Variants in CENPL observed in about 807,000 individuals in gnomAD.
CENPL encodes the protein centromere protein L.
A neutral mutation model predicts 35.2 loss-of-function variants in CENPL; 20 were observed. The observed-to-expected ratio is 0.57, with a 90% confidence interval of 0.40 to 0.83. CENPL has a LOEUF of 0.83. Ranked by LOEUF, CENPL falls within the 40% of genes least tolerant of loss-of-function variation. The pLI is 0.00. For missense variants in CENPL, 363 were observed against 395.8 expected (o/e 0.92, Z 0.70); for synonymous variants, 140 against 140.6 (o/e 1.00, Z 0.03).
At chr1:173,808,930 A>G (rs1650527543) in intron 3 of CENPL, among the ~76,000 whole-genome samples, 1 of 152,222 alleles carries the variant, frequency 6.6e-6, no homozygotes, top group East Asian at 1.9e-4. Flanking sequence ...AGCAAAAGAA[A>G]CTATCAACAG....
At chr1:173,820,355 T>A (rs1651828256) in intron 2 of CENPL, among the ~76,000 whole-genome samples, 1 of 151,018 alleles carries the variant, frequency 6.6e-6, no homozygotes, top group South Asian at 2.1e-4. Context: ...CAAGACCCCA[T>A]CTTTCAAAAA....
At chr1:173,818,721 T>G (rs1326521717) in intron 2 of CENPL, among the ~76,000 whole-genome samples, 1 of 152,202 alleles carries the variant, frequency 6.6e-6, no homozygotes, top group African/African-American at 2.4e-5. Context: ...ACACATAGCT[T>G]TCCTCAATCA....
intron 4 of CENPL, chr1:173,806,603 A>AAATAT (rs1650255953): frequency 3.5e-6 from 1 of 287,034 alleles, no homozygotes; most frequent in Non-Finnish European, 7.0e-6. Flanking sequence ...AAATAAAATA[A>AAATAT]AATAAACGCA....
intron 2 of CENPL, among the ~76,000 whole-genome samples, chr1:173,815,221 G>A (rs962775989): frequency 2.0e-5 from 3 of 152,266 alleles, no homozygotes; most frequent in Middle Eastern, 3.4e-3. Flanking sequence ...AAAAGGCTAC[G>A]ACCAGATGGA....
At chr1:173,810,872 G>A (rs147901968) in intron 3 of CENPL, among the ~76,000 whole-genome samples, 9,311 of 152,122 alleles carry the variant, frequency 0.061, 1,001 homozygotes, top group African/African-American at 0.21. Flanking sequence ...AGCCAAGATC[G>A]CGCCACTGCA....
At chr1:173,823,627 T>C (rs1027552761) in intron 2 of CENPL, 6 of 152,220 alleles carry the variant, frequency 3.9e-5, no homozygotes, top group African/African-American at 1.4e-4. Context: ...CCTCAGAAGT[T>C]TTCCTGAGCT....
intron 2 of CENPL, among the ~76,000 whole-genome samples, chr1:173,814,551 A>G (rs180756855): frequency 6.6e-6 from 1 of 152,306 alleles, no homozygotes; most frequent in East Asian, 1.9e-4. Context: ...GCCCAACTAC[A>G]TGGAAACTGA....
In CENPL at chr1:173,802,997, G is replaced by A; in HGVS notation, c.929C>T (p.Ser310Phe). The A allele has an allele frequency of 6.2e-7, 1 of 1,612,980 alleles. No individual in the cohort carries two copies. Among genetic ancestry groups the A allele is most frequent in the Non-Finnish European group, 8.5e-7 (1 of 1,179,132 alleles). Residue 310 changes from serine (S) to phenylalanine (F), a missense_variant, in exon 5 of 6, where the codon TCT becomes TTT. Physicochemically the swap from Ser to Phe is radical, Grantham distance 155. Coordinates refer to ENST00000682279, the MANE Select transcript of CENPL (RefSeq NM_001387287.1). ...SATRLVRVST[S>F]VASAHTDGKI... ...TCCATCAGTATGTGCTGAAGCTACA[G>A]ATGTTGAAACACGAACTAATCTTGT...
At position 173,816,861 on chromosome 1, in the gene CENPL, C is replaced by T. The variant is rs542960205; in HGVS notation, c.-7-5555G>A. On this transcript the variant is annotated intron_variant, in intron 2 of 5. Coordinates refer to ENST00000682279, the MANE Select transcript of CENPL (RefSeq NM_001387287.1). ...GATCTAATTAAACTGAAGACCAGGC[C>T]GGGCGCAGTGGCTCACGCCTGTAAT... 4.6e-5 allele frequency among the ~76,000 whole-genome samples: 7 copies of T among 152,150 alleles called. No individual in the cohort carries two copies. In the East Asian group the frequency reaches 7.7e-4, roughly 17 times the overall value.
At position 173,800,534 on chromosome 1, in the gene CENPL, A is replaced by T. The variant is rs772810215; in HGVS notation, c.964-15T>A. On this transcript the variant is annotated splice_polypyrimidine_tract_variant and intron_variant, in intron 5 of 5. Transcript: ENST00000682279. Reference sequence around the variant, plus strand: ...TGACACAGAATCTGCAAAAAGAAAAAGAAGGAGACATTTAAAATTAGAATA... The same window carrying T: ...TGACACAGAATCTGCAAAAAGAAAATGAAGGAGACATTTAAAATTAGAATA... The T allele has an allele frequency of 1.9e-6, 2 of 1,056,952 alleles. No homozygotes were observed. Among genetic ancestry groups the T allele is most frequent in the Middle Eastern group, 2.4e-4 (1 of 4,240 alleles). The allele number at this position is 1,056,952 out of a possible 1,614,324, so 65.5% of individuals were successfully genotyped here. A position where few individuals can be genotyped will look rare whatever the true frequency, so the allele number is the denominator to read the frequency against.
chr1:173,815,489 T>A (rs961636196), intron 2 of CENPL, among the ~76,000 whole-genome samples: 16 of 152,166 alleles, frequency 1.1e-4, no homozygotes, highest in African/African-American at 3.4e-4. Flanking sequence ...TTATCCACCA[T>A]GACCAAGTCA....
chr1:173,811,010 A>G lies in CENPL; in HGVS notation c.168+122T>C, dbSNP rs141572177. ...ATCGTTATGAAATTGTTTCTTTCTC[A>G]TTTATTTTATTAGCTGAGGGGTTAA... On this transcript the variant is annotated intron_variant, in intron 3 of 5. Coordinates refer to ENST00000682279, the MANE Select transcript of CENPL (RefSeq NM_001387287.1). 5.1e-5 allele frequency: 41 copies of G among 801,698 alleles called. No homozygotes were observed. The East Asian group carries it at 1.0e-3, about 21-fold the overall frequency. The allele number at this position is 801,698 out of a possible 1,614,324, so 49.7% of individuals were successfully genotyped here.
At position 173,811,150 on chromosome 1, in the gene CENPL, G is replaced by C; in HGVS notation, c.150C>G (p.Pro50=). The C allele has an allele frequency of 6.2e-7, 1 of 1,612,660 alleles. No homozygotes were observed. Among genetic ancestry groups the C allele is most frequent in the Non-Finnish European group, 8.5e-7 (1 of 1,178,876 alleles). The change falls in exon 3 of 6, where the codon CCC becomes CCG. Residue 50 remains proline (P), a synonymous_variant. Coordinates refer to ENST00000682279, the MANE Select transcript of CENPL (RefSeq NM_001387287.1). ...AGCATACCTGCAACTGCGAACACTGGGGAATTTTCCTTCGAGGTGGAGTCA... is the reference window on the plus strand; with the variant it reads ...AGCATACCTGCAACTGCGAACACTGCGGAATTTTCCTTCGAGGTGGAGTCA... ...FILTPPRRKI[P]QCSQLQEDVD...
intron 2 of CENPL, among the ~76,000 whole-genome samples, chr1:173,820,070 CA>C (rs1162805812): frequency 1.3e-5 from 2 of 151,950 alleles, no homozygotes; most frequent in Non-Finnish European, 2.9e-5. Flanking sequence ...TGCTTGGGAT[CA>C]AAAGTGTTTT....
rs1650715237 is a variant in CENPL, at chr1:173,810,597, A to G, written c.168+535T>C. 3.3e-5 allele frequency among the ~76,000 whole-genome samples: 5 copies of G among 152,314 alleles called. No individual in the cohort carries two copies. The South Asian group carries it at 1.0e-3, about 32-fold the overall frequency. ...AAATACATAAAAACTCCTCGTATAT[A>G]TGGGTTGCATGTTTGAAAATTACTT... On this transcript the variant is annotated intron_variant, in intron 3 of 5. Transcript: ENST00000682279.
At chr1:173,822,583 T>G (rs1652058752) in intron 2 of CENPL, 4 of 152,214 alleles carry the variant, frequency 2.6e-5, no homozygotes, top group Admixed American at 2.6e-4. Flanking sequence ...CAATCTTTCT[T>G]TGCCAACTAC....
chr1:173,804,096 A>C (rs1650004088), intron 4 of CENPL, among the ~76,000 whole-genome samples: 1 of 152,206 alleles, frequency 6.6e-6, no homozygotes, highest in Non-Finnish European at 1.5e-5. Flanking sequence ...AACAAAAAAA[A>C]CCCCTCAACT....
chr1:173,817,963 T>C (rs555520204), intron 2 of CENPL, among the ~76,000 whole-genome samples: 18 of 152,060 alleles, frequency 1.2e-4, no homozygotes, highest in East Asian at 5.8e-4. Context: ...ATGAGAACAA[T>C]TGGACACAGG....
chr1:173,803,625 A>C, intron 4 of CENPL, 120 bp from the exon 5 acceptor site: 3 of 838,856 alleles, frequency 3.6e-6, no homozygotes, highest in Non-Finnish European at 5.5e-6. Context: ...AAAAAAAAAC[A>C]TAGAGGGAAT....
Sources: allele counts gnomAD v4.1 joint callset (sites outside exome capture counted in the v4.1 genomes callset), GRCh38; gene constraint gnomAD v4.1.1; transcripts MANE v1.5; gene names NCBI Gene and HGNC (gene_info 2026-07-23, HGNC 2026-07-21).